The following ODF2 variants were observed in gnomAD, a reference collection of about 807,000 sequenced individuals.
The protein encoded by ODF2 is outer dense fiber of sperm tails 2.
A neutral mutation model predicts 110.2 loss-of-function variants in ODF2; 47 were observed. That is an observed-to-expected ratio of 0.43 (90% CI 0.34 to 0.54). ODF2 has a LOEUF of 0.54. Among genes scored for constraint, ODF2 ranks in the 20% least tolerant of loss-of-function variants. The pLI is 0.03. For synonymous variants in ODF2, 352 were observed against 397.7 expected, an observed-to-expected ratio of 0.89 and a Z score of 1.37; for missense variants, 812 against 1,054.5, an observed-to-expected ratio of 0.77 and a Z score of 3.19.
At chr9:128,482,329 A>G (rs1257632503) in intron 9 of ODF2, among the ~76,000 whole-genome samples, 1 of 152,248 alleles carries the variant, frequency 6.6e-6, no homozygotes, top group Non-Finnish European at 1.5e-5. Flanking sequence ...CTAAATGTGC[A>G]TTCCCAGCTC....
rs528573678 is a variant in ODF2, at chr9:128,476,965, C to G, written c.843+3224C>G. Among the ~76,000 whole-genome samples, 40 of 149,150 alleles carry G rather than the reference C, an allele frequency of 2.7e-4. 1 individual carries two copies. Among genetic ancestry groups the G allele is most frequent in the African/African-American group, 9.3e-4 (38 of 40,976 alleles). ...TATCTTTAAAAATTAATATATTGGC[C>G]GGGTGCAGTGGCTCATGCCTGTAAT... On this transcript the variant is annotated intron_variant, in intron 8 of 20. Transcript: ENST00000604420.
At chr9:128,464,330 A>C (rs1440623587) in intron 4 of ODF2, among the ~76,000 whole-genome samples, 3 of 149,142 alleles carry the variant, frequency 2.0e-5, no homozygotes, top group Non-Finnish European at 1.5e-5. Flanking sequence ...TAATTTTTGT[A>C]TTTTTAATAG....
intron 8 of ODF2, among the ~76,000 whole-genome samples, chr9:128,476,486 T>G (rs749935502): frequency 4.6e-5 from 7 of 150,960 alleles, no homozygotes; most frequent in Non-Finnish European, 7.4e-5. Context: ...CGGGGTTTCA[T>G]CATATTGGTC....
rs553574080 is a variant in ODF2, at chr9:128,463,664, C to T, written c.249+2597C>T. 7.9e-5 allele frequency among the ~76,000 whole-genome samples: 12 copies of T among 152,220 alleles called. No individual in the cohort carries two copies. The South Asian group carries it at 1.5e-3, about 18-fold the overall frequency. On this transcript the variant is annotated intron_variant, in intron 4 of 20. Transcript: ENST00000604420. ...AGATGCACAACATATAACATTTGGC[C>T]GGCCCTATTTGTGCAGAAAATGGGC...
At chr9:128,500,372 T>C in exon 21 of ODF2, 1 of 968,080 alleles carries the variant, frequency 1.0e-6, no homozygotes, top group Non-Finnish European at 1.6e-6. Context: ...GTTCAGGGTC[T>C]TGTCCTTAGC....
intron 18 of ODF2, chr9:128,497,472 T>C (rs1374441308): frequency 9.6e-6 from 1 of 103,632 alleles, no homozygotes; most frequent in African/African-American, 3.8e-5. Context: ...TATATATATA[T>C]ATATATATAT....
At chr9:128,460,044 A>G (rs1269989839) in intron 3 of ODF2, 1 of 906,104 alleles carries the variant, frequency 1.1e-6, no homozygotes, top group African/African-American at 1.7e-5. Context: ...CAGCCTTCTC[A>G]TCCTTAGGAT....
At position 128,498,988 on chromosome 9, in the gene ODF2, T is replaced by C. The variant is rs772977217; in HGVS notation, c.2176-13T>C. The C allele has an allele frequency of 6.2e-7, 1 of 1,612,950 alleles. No homozygotes were observed. The highest frequency in any genetic ancestry group is 8.5e-7 in the Non-Finnish European group (1 of 1,178,992). ...GGTAAACCAGTCTCATGTCTGGGCC[T>C]TTGAATGTGCAGGTGGAACAAACCA... On this transcript the variant is annotated splice_polypyrimidine_tract_variant and intron_variant, in intron 19 of 20. Coordinates refer to ENST00000604420, the Ensembl canonical transcript of ODF2.
exon 2 of ODF2, chr9:128,457,329 C>G: frequency 6.2e-7 from 1 of 1,610,368 alleles, no homozygotes; most frequent in Non-Finnish European, 8.5e-7. Context: ...GGCTCATTGA[C>G]AAGCCTGCCC....
chr9:128,471,346 G>A (rs1055838181), exon 6 of ODF2: 9 of 1,613,016 alleles, frequency 5.6e-6, no homozygotes, highest in Non-Finnish European at 6.8e-6. Context: ...TGGCCAAAAG[G>A]TTCCTGGAGG....
rs746727017 is a variant in ODF2 at position 128,457,941 on chromosome 9, ATATT to A, written c.32+506_32+509del. ...TCAGTAGAGGTCTATATATATATATATATTTTTTTTTTTTCCCCTCTTTTTAAAA... is the reference window on the plus strand; with the variant it reads ...TCAGTAGAGGTCTATATATATATATATTTTTTTTTTCCCCTCTTTTTAAAA... On this transcript the variant is annotated intron_variant, in intron 2 of 20. Coordinates refer to ENST00000604420, the Ensembl canonical transcript of ODF2. Among the ~76,000 whole-genome samples the A allele has an allele frequency of 1.9e-3, 153 of 78,732 alleles. 1 individual carries two copies. Among genetic ancestry groups the A allele is most frequent in the African/African-American group, 5.3e-3 (137 of 26,040 alleles). The allele number at this position is 78,732 out of a possible 152,430, so 51.7% of individuals were successfully genotyped here.
chr9:128,459,420 C>T (rs947226658), intron 2 of ODF2, 147 bp from the exon 2 acceptor site: 2 of 627,348 alleles, frequency 3.2e-6, no homozygotes, highest in Admixed American at 2.6e-5. Context: ...ATCTGGTGCT[C>T]ATCTCAGGGG....
intron 4 of ODF2, 39 bp downstream of exon 4, chr9:128,461,106 C>G (rs761304187): frequency 6.2e-7 from 1 of 1,603,282 alleles, no homozygotes; most frequent in Non-Finnish European, 8.5e-7. Context: ...TCTCGGACTG[C>G]TCAGATCCTA....
chr9:128,474,471 C>T (rs887927613), intron 8 of ODF2, among the ~76,000 whole-genome samples: 17 of 148,478 alleles, frequency 1.1e-4, no homozygotes, highest in African/African-American at 2.7e-4. Flanking sequence ...CTAGCCTGGG[C>T]GACAGAGCGA....
At chr9:128,462,761 G>A (rs1469486717) in intron 4 of ODF2, among the ~76,000 whole-genome samples, 3 of 151,842 alleles carry the variant, frequency 2.0e-5, no homozygotes, top group East Asian at 1.9e-4. Context: ...CACCATGCCC[G>A]GCTAATTTTT....
At chr9:128,471,073 C>G (rs1430464295) in intron 5 of ODF2, among the ~76,000 whole-genome samples, 10 of 152,152 alleles carry the variant, frequency 6.6e-5, no homozygotes. Flanking sequence ...GCCACCACAT[C>G]TGGCTAATTT....
rs1351074595 is a variant in ODF2 at position 128,494,560 on chromosome 9, C to T, written c.1803C>T (p.Asp601=). Residue 601 remains aspartate (D), a synonymous_variant, in exon 17 of 21, where the codon GAC becomes GAT. Coordinates refer to ENST00000604420, the Ensembl canonical transcript of ODF2. The surrounding 1 kb of genome is among the most constrained non-coding windows in gnomAD (Gnocchi z 4.6). ...TGGCTGACCTGCAGCAGCTCCCTGA[C>T]ATCCTGAAGATCACGGAGGCGAAGC... 1.2e-6 allele frequency: 2 copies of T among 1,614,206 alleles called. No individual in the cohort carries two copies. The highest frequency in any genetic ancestry group is 1.3e-5 in the African/African-American group (1 of 75,068).
chr9:128,456,185 G>A, exon 1 of ODF2: 1 of 1,549,394 alleles, frequency 6.5e-7, no homozygotes, highest in Non-Finnish European at 8.7e-7. Flanking sequence ...GCGTCTCCAT[G>A]GCACGACCCT....
intron 16 of ODF2, among the ~76,000 whole-genome samples, chr9:128,493,310 A>G (rs778783638): frequency 6.6e-6 from 1 of 152,088 alleles, no homozygotes; most frequent in Non-Finnish European, 1.5e-5. Flanking sequence ...GCTTGAACCC[A>G]GGAGGTGGAG....
Sources: gnomAD v4.1 joint callset for allele counts (sites outside exome capture counted in the v4.1 genomes callset) on GRCh38, gnomAD v4.1.1 for gene constraint, Gnocchi (gnomAD v3.1) non-coding constraint, MANE v1.5 for transcripts, NCBI Gene and HGNC (gene_info 2026-07-23, HGNC 2026-07-21) for gene names.